The following HDAC4 variants were observed in gnomAD, a reference collection of about 807,000 sequenced individuals.
HDAC4 encodes the protein histone deacetylase 4.
Under a neutral mutation model 135.1 loss-of-function variants are expected in HDAC4, and 16 were observed. That is an observed-to-expected ratio of 0.12 (90% CI 0.08 to 0.18). The LOEUF (loss-of-function observed/expected upper bound fraction) is 0.18. Ranked by LOEUF, HDAC4 falls within the 10% of genes least tolerant of loss-of-function variation. The probability of loss-of-function intolerance (pLI) is 1.00; values close to 1 mark genes in which losing one functional copy is unlikely to be tolerated. For synonymous variants in HDAC4, 685 were observed against 653.4 expected, an observed-to-expected ratio of 1.05 and a Z score of -0.74; for missense variants, 1,143 against 1,511.8, an observed-to-expected ratio of 0.76 and a Z score of 4.05.
chr2:239,364,944 G>A (rs1367543228), intron 1 of HDAC4, among the ~76,000 whole-genome samples: 1 of 152,210 alleles, frequency 6.6e-6, no homozygotes, highest in East Asian at 1.9e-4. Flanking sequence ...AACACAGGGT[G>A]CAGATTTTAA....
At chr2:239,239,174 C>T (rs2048046783) in intron 2 of HDAC4, among the ~76,000 whole-genome samples, 1 of 152,180 alleles carries the variant, frequency 6.6e-6, no homozygotes, top group South Asian at 2.1e-4. Flanking sequence ...ACAAGGCTGC[C>T]CCCATTTCAG....
chr2:239,270,194 G>A (rs2049980948), intron 2 of HDAC4, among the ~76,000 whole-genome samples: 1 of 152,196 alleles, frequency 6.6e-6, no homozygotes, highest in Admixed American at 6.5e-5. Flanking sequence ...GGGCTGCACT[G>A]GAGCAGCTGT....
chr2:239,384,211 G>A (rs372221654), intron 1 of HDAC4, among the ~76,000 whole-genome samples: 17 of 152,186 alleles, frequency 1.1e-4, no homozygotes, highest in African/African-American at 1.9e-4. Context: ...TCAGCTGTTC[G>A]TAATCTGGGA....
chr2:239,075,880 G>A (rs535545240), intron 22 of HDAC4, among the ~76,000 whole-genome samples: 5 of 152,322 alleles, frequency 3.3e-5, no homozygotes, highest in African/African-American at 1.2e-4. Flanking sequence ...GCTGGGCCGG[G>A]ATAGCAGGTG....
At position 239,325,877 on chromosome 2, in the gene HDAC4, G is replaced by C. The variant is rs142148262; in HGVS notation, c.22+26801C>G. 2.0e-3 allele frequency among the ~76,000 whole-genome samples: 300 copies of C among 152,164 alleles called. 1 individual carries two copies. Among genetic ancestry groups the C allele is most frequent in the African/African-American group, 6.7e-3 (280 of 41,510 alleles). On this transcript the variant is annotated intron_variant, in intron 2 of 26. Transcript: ENST00000543185. ...CTACTCGGGAGGCTGAAGCACGAGA[G>C]TCACTTGAACCCCGGGGGACAGAGG...
At chr2:239,214,113 C>T (rs1006293867) in intron 3 of HDAC4, among the ~76,000 whole-genome samples, 3 of 152,176 alleles carry the variant, frequency 2.0e-5, no homozygotes, top group Non-Finnish European at 2.9e-5. Flanking sequence ...CTTACAGTTC[C>T]GGAGGCCAGA....
At chr2:239,282,408 T>TACAATGCACACACCACTCTCCAC (rs2050836432) in intron 2 of HDAC4, among the ~76,000 whole-genome samples, 1 of 145,992 alleles carries the variant, frequency 6.8e-6, no homozygotes, top group African/African-American at 2.6e-5. Context: ...CACACCACTC[T>TACAATGCACACACCACTCTCCAC]ACAATGTACA....
chr2:239,363,490 G>A (rs1693987571), intron 1 of HDAC4, among the ~76,000 whole-genome samples: 1 of 152,204 alleles, frequency 6.6e-6, no homozygotes, highest in Non-Finnish European at 1.5e-5. Flanking sequence ...AATCCATAGG[G>A]AAAACAGGGT....
rs1368421425 is a variant in HDAC4 at position 239,141,741 on chromosome 2, G to A, written c.866-1945C>T. ...TGGGTGCCTCCCAGCTGTGTCGTCA[G>A]ATAAATACCCTCACGCATGTGCCTG... On this transcript the variant is annotated intron_variant, in intron 8 of 26. Coordinates refer to ENST00000543185, the MANE Select transcript of HDAC4 (RefSeq NM_001378414.1). This position sits in a 1 kb window ranked among gnomAD's most constrained non-coding sequence, Gnocchi z 4.9. Among the ~76,000 whole-genome samples the A allele has an allele frequency of 6.6e-6, 1 of 152,182 alleles. No homozygotes were observed. Among genetic ancestry groups the A allele is most frequent in the Non-Finnish European group, 1.5e-5 (1 of 68,042 alleles).
Position 239,134,235 on chromosome 2 carries a change from T to C in HDAC4, c.1294+10A>G, listed in dbSNP as rs10207474. The C allele has an allele frequency of 0.023, 36,835 of 1,606,838 alleles. 6,067 individuals carry two copies. In the African/African-American group the frequency reaches 0.39, roughly 17 times the overall value. ...AGAGCCTGGCTGCACCCAGGCCCAT[T>C]TGTGCTCACCTGTGACGAGGGGTGC... is the stretch of plus-strand genomic sequence containing the variant. On this transcript the variant is annotated intron_variant, in intron 11 of 26. Transcript: ENST00000543185.
intron 2 of HDAC4, among the ~76,000 whole-genome samples, chr2:239,290,712 TCACA>T (rs1157776596): frequency 2.0e-5 from 3 of 151,014 alleles, no homozygotes; most frequent in Non-Finnish European, 4.4e-5. Context: ...ACGCACACAC[TCACA>T]TACGCACTCA....
At chr2:239,079,597 A>C (rs1008071748) in intron 22 of HDAC4, among the ~76,000 whole-genome samples, 5 of 152,266 alleles carry the variant, frequency 3.3e-5, no homozygotes, top group Non-Finnish European at 7.3e-5. Flanking sequence ...CACCGTCCCC[A>C]GAAAGCATGT....
chr2:239,294,969 T>G (rs180888062), intron 2 of HDAC4, among the ~76,000 whole-genome samples: 1 of 152,248 alleles, frequency 6.6e-6, no homozygotes, highest in East Asian at 1.9e-4. Flanking sequence ...TGATAAGACT[T>G]TTAGTGCTAG....
chr2:239,230,562 G>A lies in HDAC4; in HGVS notation c.94+6031C>T, dbSNP rs554895531. The stretch of plus-strand genomic sequence containing the variant: ...CGGCAGGCGCCGCCAGGACGAGGCC[G>A]CCACGGCCTCTCTTCTTCCTGCCAC... On this transcript the variant is annotated intron_variant, in intron 3 of 26. Transcript: ENST00000543185. Among the ~76,000 whole-genome samples, 265 of 152,122 alleles carry A rather than the reference G, an allele frequency of 1.7e-3. 1 individual carries two copies. The highest frequency in any genetic ancestry group is 6.7e-3 in the Admixed American group (103 of 15,282).
At chr2:239,168,833 C>G (rs2043276468) in intron 5 of HDAC4, among the ~76,000 whole-genome samples, 1 of 152,242 alleles carries the variant, frequency 6.6e-6, no homozygotes, top group Non-Finnish European at 1.5e-5. Context: ...GCCAAGTACC[C>G]AACTGTACAC....
intron 8 of HDAC4, among the ~76,000 whole-genome samples, chr2:239,143,898 G>C (rs1360879441): frequency 6.6e-6 from 1 of 152,230 alleles, no homozygotes; most frequent in Non-Finnish European, 1.5e-5. Context: ...TGCCCAAGCA[G>C]CTCCTTTATC....
At chr2:239,057,579 G>A (rs1021594051) in intron 24 of HDAC4, among the ~76,000 whole-genome samples, 16 of 152,216 alleles carry the variant, frequency 1.1e-4, no homozygotes, top group Non-Finnish European at 1.9e-4. Context: ...AGCAATGGAG[G>A]CAAGCAGACA....
In HDAC4 at chr2:239,245,304, CCCT is replaced by C. The variant is rs572959725; in HGVS notation, c.23-8643_23-8641del. ...ACTGGATTGGCTATGATCAGTCAAG[CCCT>C]GAAACAGAAAATCCCAGGACAAAGG... On this transcript the variant is annotated intron_variant, in intron 2 of 26. Coordinates refer to ENST00000543185, the MANE Select transcript of HDAC4 (RefSeq NM_001378414.1). The surrounding 1 kb of genome is among the most constrained non-coding windows in gnomAD (Gnocchi z 4.4). Among the ~76,000 whole-genome samples, 133 of 152,292 alleles carry C rather than the reference CCCT, an allele frequency of 8.7e-4. No individual in the cohort carries two copies. The highest frequency in any genetic ancestry group is 3.0e-3 in the African/African-American group (124 of 41,544).
chr2:239,163,731 A>G, intron 6 of HDAC4, 72 bp downstream of exon 6: 1 of 1,511,922 alleles, frequency 6.6e-7, no homozygotes, highest in Non-Finnish European at 9.2e-7. Context: ...CTCCATGCAA[A>G]TCTACCGGCG....
Sources: allele counts gnomAD v4.1 joint callset (sites outside exome capture counted in the v4.1 genomes callset), GRCh38; gene constraint gnomAD v4.1.1; non-coding constraint Gnocchi (gnomAD v3.1); transcripts MANE v1.5; gene names NCBI Gene and HGNC (gene_info 2026-07-23, HGNC 2026-07-21).